The following TPH2 variants were observed in gnomAD, a reference collection of about 807,000 sequenced individuals.
The protein encoded by TPH2 is tryptophan hydroxylase 2.
In TPH2, 27 loss-of-function variants were observed where a neutral mutation model predicts 59.1. The observed-to-expected ratio is 0.46, with a 90% CI of 0.34 to 0.63. The LOEUF (loss-of-function observed/expected upper bound fraction) is 0.63. Among genes scored for constraint, TPH2 ranks in the 30% least tolerant of loss-of-function variants. TPH2 has a pLI of 0.01. For missense variants in TPH2, 523 were observed against 588.3 expected, an observed-to-expected ratio of 0.89 and a Z score of 1.15; for synonymous variants, 220 against 210.5, an observed-to-expected ratio of 1.05 and a Z score of -0.39.
At chr12:71,954,777 T>C (rs915114368) in intron 5 of TPH2, among the ~76,000 whole-genome samples, 3 of 152,152 alleles carry the variant, frequency 2.0e-5, no homozygotes, top group African/African-American at 7.2e-5. Flanking sequence ...ATAAACACAT[T>C]TTTCTTTTGG....
chr12:71,968,924 G>A (rs1363847172), intron 5 of TPH2, among the ~76,000 whole-genome samples: 1 of 87,984 alleles, frequency 1.1e-5, no homozygotes. Context: ...GGACCAGAGC[G>A]TAGTTGTAGG....
intron 5 of TPH2, among the ~76,000 whole-genome samples, chr12:71,951,720 G>A (rs1871354190): frequency 1.3e-5 from 2 of 151,920 alleles, no homozygotes; most frequent in African/African-American, 4.8e-5. Flanking sequence ...GTGTGTGTGT[G>A]TGTGTATAAA....
chr12:72,011,172 A>C (rs1302489669), intron 8 of TPH2, among the ~76,000 whole-genome samples: 1 of 152,224 alleles, frequency 6.6e-6, no homozygotes, highest in Non-Finnish European at 1.5e-5. Context: ...GAACTGCTTT[A>C]AAAGAAGAGC....
At chr12:72,015,412 C>T (rs573227945) in intron 8 of TPH2, among the ~76,000 whole-genome samples, 6 of 149,882 alleles carry the variant, frequency 4.0e-5, no homozygotes, top group Admixed American at 1.3e-4. Context: ...CTCTGCCTTC[C>T]GGGTTCACGC....
chr12:71,961,994 C>A, intron 5 of TPH2: 1 of 1,032,554 alleles, frequency 9.7e-7, no homozygotes. Flanking sequence ...TACGAAAATT[C>A]ATGTGTGCAA....
rs771791547 is a variant in TPH2 at position 72,031,673 on chromosome 12, T to C, written c.1451T>C (p.Met484Thr). The change falls in exon 11 of 11, where the codon ATG (methionine) becomes ACG (threonine). Residue 484 changes from methionine (M) to threonine (T), a missense_variant. By Grantham distance (81) the Met-to-Thr change is moderately conservative (BLOSUM62 -1). Coordinates refer to ENST00000333850, the MANE Select transcript of TPH2 (RefSeq NM_173353.4). Reference sequence around the variant, plus strand: ...ACAGTGTGTGATGCTTTAAACAAAATGAACCAATATCTGGGGATTTGATGC... The same window carrying C: ...ACAGTGTGTGATGCTTTAAACAAAACGAACCAATATCTGGGGATTTGATGC... ...LNTVCDALNK[M>T]NQYLGI The C allele has an allele frequency of 1.2e-6, 2 of 1,613,502 alleles. No homozygotes were observed. The highest frequency in any genetic ancestry group is 2.2e-5 in the South Asian group (2 of 91,076).
intron 6 of TPH2, among the ~76,000 whole-genome samples, chr12:71,977,182 G>A (rs1300209229): frequency 6.6e-6 from 1 of 152,066 alleles, no homozygotes; most frequent in African/African-American, 2.4e-5. Context: ...TGTATTCCCC[G>A]AGTAGCTGGG....
intron 8 of TPH2, among the ~76,000 whole-genome samples, chr12:71,998,509 A>C (rs546573345): frequency 1.3e-5 from 2 of 152,332 alleles, no homozygotes; most frequent in East Asian, 3.9e-4. Flanking sequence ...TTGAAAAAAA[A>C]CCCCACAGAT....
chr12:71,941,451 C>A, intron 1 of TPH2, 133 bp from the exon 2 acceptor site: 1 of 1,107,824 alleles, frequency 9.0e-7, no homozygotes, highest in Non-Finnish European at 1.3e-6. Flanking sequence ...AGTGACACGG[C>A]AACTTCACCT....
intron 4 of TPH2, among the ~76,000 whole-genome samples, chr12:71,949,260 G>A (rs1871280838): frequency 1.3e-5 from 2 of 152,180 alleles, no homozygotes; most frequent in South Asian, 4.1e-4. Flanking sequence ...GGATTAATTT[G>A]TGATTAAGAT....
chr12:72,000,164 A>G (rs1872786383), intron 8 of TPH2, among the ~76,000 whole-genome samples: 1 of 152,260 alleles, frequency 6.6e-6, no homozygotes, highest in South Asian at 2.1e-4. Context: ...GACCAAGAAT[A>G]TATAGTCACT....
intron 7 of TPH2, among the ~76,000 whole-genome samples, chr12:71,983,613 C>T (rs1872348768): frequency 6.6e-6 from 1 of 152,096 alleles, no homozygotes; most frequent in Non-Finnish European, 1.5e-5. Context: ...GCCCTCCGTC[C>T]ACCTCATCTT....
At chr12:72,013,380 T>C (rs1386285118) in intron 8 of TPH2, among the ~76,000 whole-genome samples, 1 of 152,206 alleles carries the variant, frequency 6.6e-6, no homozygotes, top group Non-Finnish European at 1.5e-5. Context: ...GGTCTCAGTG[T>C]AGCCTGTGAT....
At chr12:72,002,449 G>A (rs1006689237) in intron 8 of TPH2, among the ~76,000 whole-genome samples, 3 of 152,178 alleles carry the variant, frequency 2.0e-5, no homozygotes, top group Non-Finnish European at 4.4e-5. Context: ...ATCTGACCAG[G>A]AAAAGGGTGG....
rs546363658 is a variant in TPH2, at chr12:72,024,343, G to A, written c.1164+1849G>A. On this transcript the variant is annotated intron_variant, in intron 9 of 10. Transcript: ENST00000333850. ...GTGGACCCTCAAGATTCTAGCTGAA[G>A]CCTGGTCCATTGAAAGAACTGTCTG... Among the ~76,000 whole-genome samples, 15 of 152,342 alleles carry A rather than the reference G, an allele frequency of 9.8e-5. 2 individuals are homozygous for A. In the South Asian group the frequency reaches 2.7e-3, roughly 27 times the overall value.
At chr12:71,975,737 T>G (rs902076441) in intron 6 of TPH2, among the ~76,000 whole-genome samples, 1 of 152,234 alleles carries the variant, frequency 6.6e-6, no homozygotes, top group African/African-American at 2.4e-5. Flanking sequence ...ATGTTATGTG[T>G]GAACATCATC....
At chr12:72,021,800 A>G in intron 8 of TPH2, among the ~76,000 whole-genome samples, 1 of 152,228 alleles carries the variant, frequency 6.6e-6, no homozygotes. Flanking sequence ...AAACATAGAT[A>G]TATATTTAAG....
intron 8 of TPH2, among the ~76,000 whole-genome samples, chr12:72,018,391 A>G (rs1263343273): frequency 6.6e-6 from 1 of 152,196 alleles, no homozygotes; most frequent in Non-Finnish European, 1.5e-5. Flanking sequence ...GTATTGATGC[A>G]GACCTACCTT....
chr12:71,951,343 A>T (rs921891471), intron 5 of TPH2, among the ~76,000 whole-genome samples: 2 of 151,932 alleles, frequency 1.3e-5, no homozygotes, highest in African/African-American at 4.8e-5. Flanking sequence ...GGATCCTTAG[A>T]GGGGGTGTGG....
Sources: gnomAD v4.1 joint callset for allele counts (sites outside exome capture counted in the v4.1 genomes callset) on GRCh38, gnomAD v4.1.1 for gene constraint, MANE v1.5 for transcripts, NCBI Gene and HGNC (gene_info 2026-07-23, HGNC 2026-07-21) for gene names.